Variants in TUT7 observed in about 807,000 individuals in gnomAD.
TUT7 encodes terminal uridylyl transferase 7.
In TUT7, 33 loss-of-function variants were observed where a neutral mutation model predicts 165.9. The ratio of observed to expected loss-of-function variants is 0.20; its 90% CI spans 0.15 to 0.27. TUT7 has a LOEUF of 0.27. TUT7 is among the 10% of genes least tolerant of loss of function. The probability of loss-of-function intolerance (pLI) is 1.00; values close to 1 mark genes in which losing one functional copy is unlikely to be tolerated. For synonymous variants in TUT7, 552 were observed against 608.1 expected (o/e 0.91, Z 1.36); for missense variants, 1,338 against 1,762.3 (o/e 0.76, Z 4.31).
At chr9:86,312,100 G>A (rs1185369754) in intron 17 of TUT7, among the ~76,000 whole-genome samples, 1 of 151,816 alleles carries the variant, frequency 6.6e-6, no homozygotes, top group Non-Finnish European at 1.5e-5. Context: ...GATGTGAGGA[G>A]CCCCTCTGCC....
Position 86,350,511 on chromosome 9 carries a change from C to T in TUT7, c.520+2169G>A, listed in dbSNP as rs73650945. 5.0e-3 allele frequency among the ~76,000 whole-genome samples: 766 copies of T among 152,314 alleles called. 8 individuals carry two copies. Among genetic ancestry groups the T allele is most frequent in the African/African-American group, 0.017 (707 of 41,564 alleles). On this transcript the variant is annotated intron_variant, in intron 2 of 26. Transcript: ENST00000375963. ...AGCCCAGAAATTATCAAGAAATATT[C>T]GGCTCCGCCGTCAGGATTTCAGGTC...
At chr9:86,314,909 CT>C (rs1417909757) in intron 17 of TUT7, among the ~76,000 whole-genome samples, 1 of 152,160 alleles carries the variant, frequency 6.6e-6, no homozygotes, top group Admixed American at 6.5e-5. Flanking sequence ...GAAATGATTT[CT>C]TTTCCCATCC....
Position 86,338,933 on chromosome 9 carries a change from C to T in TUT7, c.1225G>A (p.Val409Met). ...CAAGCATTTTCATTTCCTGCGCTCA[C>T]TTTACACAGAAGACCACTGGTGAGA... ...REKQSGLLCKVSAGNENACLT... is the reference protein window; with the variant it reads ...REKQSGLLCKMSAGNENACLT... The change falls in exon 9 of 27, where the codon GTG (valine) becomes ATG (methionine). Residue 409 changes from valine to methionine, a missense_variant. By Grantham distance (21) the Val-to-Met change is conservative (BLOSUM62 1). This residue lies in a region of TUT7 where 74 missense variants were observed against 128.5 expected (regional missense o/e 0.58). Transcript: ENST00000375963. The T allele has an allele frequency of 6.2e-7, 1 of 1,607,304 alleles. No homozygotes were observed. The highest frequency in any genetic ancestry group is 8.5e-7 in the Non-Finnish European group (1 of 1,176,692).
rs530372256 is a variant in TUT7, at chr9:86,328,364, T to C, written c.1584A>G (p.Arg528=). ...CCTGTCCCCTTTTAATCGGCGTTTC[T>C]CTTGGTGCCTCTTCTTTTGTTATGC... ...DTGITKEEAP[R]ETPIKRGQVS... The change falls in exon 11 of 27, where the codon AGA becomes AGG. Residue 528 remains arginine, a synonymous_variant. Transcript: ENST00000375963. 11 of 1,603,912 alleles carry C rather than the reference T, an allele frequency of 6.9e-6. No homozygotes were observed. The East Asian group carries it at 1.6e-4, about 23-fold the overall frequency.
At chr9:86,298,793 GTT>G (rs752805559) in intron 26 of TUT7, 10 of 985,118 alleles carry the variant, frequency 1.0e-5, no homozygotes, top group Non-Finnish European at 1.1e-5. Context: ...AAATATTGTT[GTT>G]TTTTGTTTCT....
intron 26 of TUT7, among the ~76,000 whole-genome samples, chr9:86,294,926 T>C (rs1467766915): frequency 2.0e-5 from 3 of 151,924 alleles, no homozygotes; most frequent in African/African-American, 7.2e-5. Flanking sequence ...AATTATATAT[T>C]CTAATAATTG....
chr9:86,337,588 C>T, intron 9 of TUT7, 50 bp from the exon 10 acceptor site: 1 of 1,567,520 alleles, frequency 6.4e-7, no homozygotes. Context: ...ATGAATTTGT[C>T]ATTTACACGA....
At chr9:86,330,088 C>T (rs1354814483) in intron 10 of TUT7, among the ~76,000 whole-genome samples, 2 of 152,074 alleles carry the variant, frequency 1.3e-5, no homozygotes, top group Admixed American at 1.3e-4. Flanking sequence ...GGCAGAGTCT[C>T]ACCCTGTTGC....
At position 86,287,766 on chromosome 9, in the gene TUT7, GATAA is replaced by G. The variant is rs1448525696; in HGVS notation, c.*907_*910del. 1 of 151,264 alleles carries G rather than the reference GATAA, an allele frequency of 6.6e-6. No homozygotes were observed. The highest frequency in any genetic ancestry group is 2.4e-5 in the African/African-American group (1 of 41,064). The allele number at this position is 151,264 out of a possible 1,614,324, so 9.4% of individuals were successfully genotyped here. Reference sequence around the variant, plus strand: ...TGAAATTCTGATTTTATTTCAAAATGATAAATAAACCGAGGCATAGTTCTGACCA... The same window carrying G: ...TGAAATTCTGATTTTATTTCAAAATGATAAACCGAGGCATAGTTCTGACCA... On this transcript the variant is annotated 3_prime_UTR_variant, in exon 27 of 27. Transcript: ENST00000375963.
Position 86,323,662 on chromosome 9 carries a change from A to C in TUT7, c.2088T>G (p.Thr696=). ...CAAAACTTTCAGCAGTCTCTTTAAG[A>C]GTAAGTGGCTGTACCTTACAGGTAT... is the stretch of plus-strand genomic sequence containing the variant. ...AANTCKVQPL[T]LKETAESFGS... is the part of the protein sequence containing the mutation. Residue 696 remains threonine (T), a synonymous_variant, in exon 13 of 27, where the codon ACT becomes ACG. Coordinates refer to ENST00000375963, the MANE Select transcript of TUT7 (RefSeq NM_024617.4). 6.2e-7 allele frequency: 1 copy of C among 1,614,218 alleles called. No individual in the cohort carries two copies. Among genetic ancestry groups the C allele is most frequent in the Non-Finnish European group, 8.5e-7 (1 of 1,180,032 alleles).
intron 19 of TUT7, among the ~76,000 whole-genome samples, 164 bp downstream of exon 19, chr9:86,309,764 A>C (rs1385454798): frequency 1.3e-5 from 2 of 152,268 alleles, no homozygotes; most frequent in Non-Finnish European, 2.9e-5. Flanking sequence ...AGGTCATTGT[A>C]TAAAATTCAG....
chr9:86,323,090 C>T lies in TUT7; in HGVS notation c.2660G>A (p.Gly887Glu), dbSNP rs1387370224. 2 of 1,614,172 alleles carry T rather than the reference C, an allele frequency of 1.2e-6. No homozygotes were observed. Among genetic ancestry groups the T allele is most frequent in the Admixed American group, 1.7e-5 (1 of 60,010 alleles). ...CTCTTCAGATAGGGCGTCCTCATCC[C>T]CTGACCCAGTGTAGGTGTTGTCTAA... is the stretch of plus-strand genomic sequence containing the variant. ...DELDNTYTGS[G>E]DEDALSEEDD... Residue 887 changes from glycine (G) to glutamate (E), a missense_variant, in exon 13 of 27, where the codon GGG becomes GAG. Gly to Glu is a moderately conservative substitution (Grantham distance 98, BLOSUM62 -2). Coordinates refer to ENST00000375963, the MANE Select transcript of TUT7 (RefSeq NM_024617.4).
chr9:86,320,156 A>G (rs1261268020), intron 14 of TUT7, among the ~76,000 whole-genome samples: 1 of 152,004 alleles, frequency 6.6e-6, no homozygotes, highest in Non-Finnish European at 1.5e-5. Context: ...CCACCCCGCT[A>G]AAGTGTGAAT....
intron 6 of TUT7, 52 bp downstream of exon 6, chr9:86,343,023 G>C: frequency 8.4e-7 from 1 of 1,195,450 alleles, no homozygotes; most frequent in Non-Finnish European, 1.2e-6. Flanking sequence ...ACATTTGTAA[G>C]AAAGAATTTC....
intron 16 of TUT7, among the ~76,000 whole-genome samples, chr9:86,317,925 A>G (rs1269830433): frequency 6.6e-6 from 1 of 152,162 alleles, no homozygotes; most frequent in African/African-American, 2.4e-5. Flanking sequence ...TAAGCCATGT[A>G]AAAAAATAAA....
At chr9:86,328,238 A>C (rs1451558904) in intron 11 of TUT7, 102 bp downstream of exon 11, 3 of 1,229,976 alleles carry the variant, frequency 2.4e-6, no homozygotes, top group Non-Finnish European at 3.2e-6. Flanking sequence ...TGAAAGAGCC[A>C]CGAAATAGTA....
intron 7 of TUT7, among the ~76,000 whole-genome samples, chr9:86,340,627 A>C (rs1831244154): frequency 6.6e-6 from 1 of 152,278 alleles, no homozygotes; most frequent in Non-Finnish European, 1.5e-5. Context: ...GGATTCATTA[A>C]TTAGGGTTGG....
chr9:86,340,297 A>G (rs1319716299), intron 7 of TUT7, among the ~76,000 whole-genome samples, 192 bp from the exon 8 acceptor site: 1 of 152,250 alleles, frequency 6.6e-6, no homozygotes, highest in African/African-American at 2.4e-5. Context: ...ACATTAGTGT[A>G]AAACCCTTAG....
In TUT7 at chr9:86,319,647, C is replaced by T; in HGVS notation, c.3052G>A (p.Glu1018Lys). ...CYKDFSPTII[E>K]DQAREHIRQN... ...CGAATATGTTCACGAGCCTGATCTTCTATAATTGTTGGAGAAAAATCCTCT... is the reference window on the plus strand; with the variant it reads ...CGAATATGTTCACGAGCCTGATCTTTTATAATTGTTGGAGAAAAATCCTCT... Residue 1018 changes from glutamate (E) to lysine (K), a missense_variant, in exon 15 of 27, where the codon GAA (glutamate) becomes AAA (lysine). Glu to Lys is a moderately conservative substitution (Grantham distance 56, BLOSUM62 1). Around this residue, in one of 7 missense-constraint regions of TUT7, gnomAD observed 425 missense variants for 474.9 expected, o/e 0.89. Transcript: ENST00000375963. 1 of 1,607,936 alleles carries T rather than the reference C, an allele frequency of 6.2e-7. No individual in the cohort carries two copies. Among genetic ancestry groups the T allele is most frequent in the Non-Finnish European group, 8.5e-7 (1 of 1,177,850 alleles).
Sources: gnomAD v4.1 joint callset for allele counts (sites outside exome capture counted in the v4.1 genomes callset) on GRCh38, gnomAD v4.1.1 for gene constraint, gnomAD v4.1.1 regional missense constraint, MANE v1.5 for transcripts, NCBI Gene and HGNC (gene_info 2026-07-23, HGNC 2026-07-21) for gene names.